Variants in CUL9 observed in about 807,000 individuals in gnomAD.
The protein encoded by CUL9 is cullin 9.
CUL9 carries 79 observed loss-of-function variants against 272.6 expected under a neutral mutation model. The observed-to-expected ratio is 0.29, with a 90% CI of 0.24 to 0.35. The LOEUF is 0.35. Among genes scored for constraint, CUL9 ranks in the 10% least tolerant of loss-of-function variants. CUL9 has a pLI of 1.00. For synonymous variants in CUL9, 1,186 were observed against 1,286.5 expected, an observed-to-expected ratio of 0.92 and a Z score of 1.67; for missense variants, 2,532 against 3,255.6, an observed-to-expected ratio of 0.78 and a Z score of 5.41.
chr6:43,210,856 A>G (rs932772795), intron 26 of CUL9, among the ~76,000 whole-genome samples: 1 of 152,172 alleles, frequency 6.6e-6, no homozygotes, highest in African/African-American at 2.4e-5. Flanking sequence ...TTTAACACCT[A>G]TATACATATG....
chr6:43,196,967 C>G (rs1774052169), intron 11 of CUL9, 105 bp downstream of exon 11: 1 of 941,080 alleles, frequency 1.1e-6, no homozygotes, highest in Admixed American at 2.2e-5. Context: ...AGGAAATGAG[C>G]AAGCATTGTG....
intron 31 of CUL9, among the ~76,000 whole-genome samples, chr6:43,217,056 A>G (rs555437866): frequency 6.6e-6 from 1 of 152,262 alleles, no homozygotes; most frequent in African/African-American, 2.4e-5. Flanking sequence ...ATTTAATACA[A>G]AAATTTTTAA....
At chr6:43,215,350 G>A (rs1174742925) in intron 30 of CUL9, 24 bp downstream of exon 30, 4 of 1,580,636 alleles carry the variant, frequency 2.5e-6, no homozygotes, top group Non-Finnish European at 3.4e-6. Context: ...CTGACCCCTT[G>A]CAGTGAGGCG....
chr6:43,198,940 T>G (rs1774267508), intron 12 of CUL9, 85 bp downstream of exon 12: 11 of 316,418 alleles, frequency 3.5e-5, no homozygotes, highest in Non-Finnish European at 5.2e-5. Flanking sequence ...TTCTGTTTTC[T>G]TTTTTTTTTT....
chr6:43,187,372 T>C lies in CUL9; in HGVS notation c.1514T>C (p.Phe505Ser). 6.2e-7 allele frequency: 1 copy of C among 1,614,094 alleles called. No individual in the cohort carries two copies. Among genetic ancestry groups the C allele is most frequent in the Non-Finnish European group, 8.5e-7 (1 of 1,179,996 alleles). ...GCTGAATGGTGGGAGCTGCTTTTCT[T>C]TATCAAAAAGTTGGACTTGTGTGAG... is the stretch of plus-strand genomic sequence containing the variant. ...TQAEWWELLF[F>S]IKKLDLCEQQ... The change falls in exon 6 of 41, where the codon TTT becomes TCT. Residue 505 changes from phenylalanine (F) to serine (S), a missense_variant. By Grantham distance (155) the Phe-to-Ser change is radical. Transcript: ENST00000252050.
chr6:43,200,049 G>A lies in CUL9; in HGVS notation c.3277G>A (p.Ala1093Thr). The A allele has an allele frequency of 6.2e-7, 1 of 1,614,258 alleles. No homozygotes were observed. The change falls in exon 14 of 41, where the codon GCT (alanine) becomes ACT (threonine). Residue 1093 changes from alanine (A) to threonine (T), a missense_variant. Transcript: ENST00000252050. The surrounding 1 kb of genome is among the most constrained non-coding windows in gnomAD (Gnocchi z 4.0). ...CTCCAAAGTCCTGGACAAGCACTCA[G>A]CTCAGCTGCTGCTGGGCTGTGAGCT... The part of the protein sequence containing the change: ...ILSKVLDKHS[A>T]QLLLGCELRD...
Position 43,186,300 on chromosome 6 carries a change from C to T in CUL9, c.1096C>T (p.Arg366Cys), listed in dbSNP as rs953435212. Reference sequence around the variant, plus strand: ...AAGACAAGGGTGGGTCTTCCGCCAGCGCTCTGAATTCTCCAGCCGTAGTGG... The same window carrying T: ...AAGACAAGGGTGGGTCTTCCGCCAGTGCTCTGAATTCTCCAGCCGTAGTGG... ...PRRQGWVFRQ[R>C]SEFSSRSGYG... The change falls in exon 4 of 41, where the codon CGC (arginine) becomes TGC (cysteine). Residue 366 changes from arginine (R) to cysteine (C), a missense_variant. Transcript: ENST00000252050. 9 of 1,614,090 alleles carry T rather than the reference C, an allele frequency of 5.6e-6. No homozygotes were observed. The highest frequency in any genetic ancestry group is 1.6e-4 in the Middle Eastern group (1 of 6,084).
In CUL9 at chr6:43,215,140, G is replaced by A. The variant is rs139766803; in HGVS notation, c.5750G>A (p.Gly1917Glu). Residue 1917 changes from glycine (G) to glutamate (E), a missense_variant, in exon 30 of 41, where the codon GGG becomes GAG. This residue lies in a region of CUL9 where 2,218 missense variants were observed against 2,788.6 expected (regional missense o/e 0.80). Transcript: ENST00000252050. ...PPGTLGHTVA[G>E]GVACTSTDVL... ...GGAACCCTGGGCCACACTGTTGCTG[G>A]GGGTGTGGCCTGTACCAGTACAGAT... 414 of 1,614,094 alleles carry A rather than the reference G, an allele frequency of 2.6e-4. No homozygotes were observed. Among genetic ancestry groups the A allele is most frequent in the Middle Eastern group, 5.0e-4 (3 of 6,060 alleles).
chr6:43,186,928 A>T (rs566246717), intron 4 of CUL9, 32 bp from the exon 5 acceptor site: 1 of 1,610,878 alleles, frequency 6.2e-7, no homozygotes, highest in Non-Finnish European at 8.5e-7. Context: ...AGCCTTCTCT[A>T]TTCTGCTCTC....
At position 43,187,972 on chromosome 6, in the gene CUL9, C is replaced by T; in HGVS notation, c.1841C>T (p.Ala614Val). 10 of 1,614,072 alleles carry T rather than the reference C, an allele frequency of 6.2e-6. No individual in the cohort carries two copies. Among genetic ancestry groups the T allele is most frequent in the Admixed American group, 1.7e-5 (1 of 60,018 alleles). The change falls in exon 7 of 41, where the codon GCA (alanine) becomes GTA (valine). Residue 614 changes from alanine to valine, a missense_variant. Physicochemically the swap from Ala to Val is moderately conservative, Grantham distance 64 (BLOSUM62 0). Around this residue, in one of 3 missense-constraint regions of CUL9, gnomAD observed 2,218 missense variants for 2,788.6 expected, o/e 0.80. Transcript: ENST00000252050. ...FSEEETESLKAKAEAPKTEAE... is the reference protein window; with the variant it reads ...FSEEETESLKVKAEAPKTEAE... ...GAGGAAGAGACTGAGTCCCTCAAAGCAAAGGCCGAGGCCCCTAAGACAGAG... is the reference window on the plus strand; with the variant it reads ...GAGGAAGAGACTGAGTCCCTCAAAGTAAAGGCCGAGGCCCCTAAGACAGAG...
intron 31 of CUL9, among the ~76,000 whole-genome samples, chr6:43,219,780 G>A (rs551589885): frequency 6.6e-6 from 1 of 152,284 alleles, no homozygotes; most frequent in South Asian, 2.1e-4. Flanking sequence ...GATGGTGTAG[G>A]GAGAGACCGG....
chr6:43,212,491 G>A (rs1275762722), intron 26 of CUL9, among the ~76,000 whole-genome samples: 2 of 152,182 alleles, frequency 1.3e-5, no homozygotes, highest in Admixed American at 6.5e-5. Context: ...ATACAGGAAA[G>A]GCTTGATTGT....
At chr6:43,194,149 G>A (rs1773781907) in intron 9 of CUL9, among the ~76,000 whole-genome samples, 1 of 152,138 alleles carries the variant, frequency 6.6e-6, no homozygotes, top group Non-Finnish European at 1.5e-5. Flanking sequence ...GGTTCCTGAG[G>A]GAGACAGGCA....
Position 43,221,081 on chromosome 6 carries a change from C to A in CUL9, c.6589-77C>A. ...GCCCTCCAAATGTGATCTGTGCCTG[C>A]TCCCCTCTCTCCTGTGCACACCAGC... is the stretch of plus-strand genomic sequence containing the variant. On this transcript the variant is annotated intron_variant, in intron 33 of 40. Transcript: ENST00000252050. The surrounding 1 kb of genome is among the most constrained non-coding windows in gnomAD (Gnocchi z 4.2). 6.5e-7 allele frequency: 1 copy of A among 1,538,056 alleles called. No homozygotes were observed. Among genetic ancestry groups the A allele is most frequent in the Non-Finnish European group, 8.8e-7 (1 of 1,138,574 alleles).
chr6:43,196,166 G>A lies in CUL9; in HGVS notation c.2486G>A (p.Arg829Lys), dbSNP rs779172146. The change falls in exon 10 of 41, where the codon AGA (arginine) becomes AAA (lysine). Residue 829 changes from arginine (R) to lysine (K), a missense_variant. Around this residue, in one of 3 missense-constraint regions of CUL9, gnomAD observed 2,218 missense variants for 2,788.6 expected, o/e 0.80. Coordinates refer to ENST00000252050, the MANE Select transcript of CUL9 (RefSeq NM_015089.4). ...TCTTTGTTTGATGCTCAGATGACCA[G>A]AGAGATCTTCGCCAGCATCGACTCA... Reference protein sequence around the residue: ...IHSLFDAQMTREIFASIDSAT... With the variant: ...IHSLFDAQMTKEIFASIDSAT... 1 of 1,614,188 alleles carries A rather than the reference G, an allele frequency of 6.2e-7. No homozygotes were observed. The highest frequency in any genetic ancestry group is 1.1e-5 in the South Asian group (1 of 91,072).
At position 43,221,078 on chromosome 6, in the gene CUL9, C is replaced by A; in HGVS notation, c.6589-80C>A. The stretch of plus-strand genomic sequence containing the variant: ...GGAGCCCTCCAAATGTGATCTGTGC[C>A]TGCTCCCCTCTCTCCTGTGCACACC... On this transcript the variant is annotated intron_variant, in intron 33 of 40. Coordinates refer to ENST00000252050, the MANE Select transcript of CUL9 (RefSeq NM_015089.4). This position sits in a 1 kb window ranked among gnomAD's most constrained non-coding sequence, Gnocchi z 4.2. The A allele has an allele frequency of 6.5e-7, 1 of 1,531,656 alleles. No individual in the cohort carries two copies. Among genetic ancestry groups the A allele is most frequent in the South Asian group, 1.2e-5 (1 of 82,130 alleles). The allele number at this position is 1,531,656 out of a possible 1,614,324, so 94.9% of individuals were successfully genotyped here.
At chr6:43,217,429 T>C (rs1776022840) in intron 31 of CUL9, among the ~76,000 whole-genome samples, 1 of 152,174 alleles carries the variant, frequency 6.6e-6, no homozygotes, top group African/African-American at 2.4e-5. Flanking sequence ...GTGAGTCATC[T>C]TCAAAAATAA....
intron 26 of CUL9, among the ~76,000 whole-genome samples, chr6:43,211,216 C>T (rs989699992): frequency 2.0e-5 from 3 of 152,216 alleles, no homozygotes; most frequent in Middle Eastern, 3.4e-3. Context: ...CTTTAGTCAC[C>T]GTTTCCTTTG....
Position 43,203,739 on chromosome 6 carries a change from G to T in CUL9, c.4026-115G>T. The stretch of plus-strand genomic sequence containing the variant: ...CGTAGGTGAGAAGTTTGTGTTAATT[G>T]GGAAAAGTTGGGTCAGGGACCGAAC... On this transcript the variant is annotated intron_variant, in intron 19 of 40. Coordinates refer to ENST00000252050, the MANE Select transcript of CUL9 (RefSeq NM_015089.4). This position sits in a 1 kb window ranked among gnomAD's most constrained non-coding sequence, Gnocchi z 5.0. 6.6e-7 allele frequency: 1 copy of T among 1,513,736 alleles called. No homozygotes were observed. Among genetic ancestry groups the T allele is most frequent in the Non-Finnish European group, 8.9e-7 (1 of 1,123,816 alleles). 93.8% of individuals were successfully genotyped at this position (1,513,736 alleles called of 1,614,324 possible).
Sources: gnomAD v4.1 joint callset for allele counts (sites outside exome capture counted in the v4.1 genomes callset) on GRCh38, gnomAD v4.1.1 for gene constraint, gnomAD v4.1.1 regional missense constraint, Gnocchi (gnomAD v3.1) non-coding constraint, MANE v1.5 for transcripts, NCBI Gene and HGNC (gene_info 2026-07-23, HGNC 2026-07-21) for gene names.